The following SLC39A11 variants were observed in gnomAD, a reference collection of about 807,000 sequenced individuals.
The protein encoded by SLC39A11 is solute carrier family 39 member 11.
A neutral mutation model predicts 36.1 loss-of-function variants in SLC39A11; 33 were observed. The observed-to-expected ratio is 0.91, with a 90% CI of 0.69 to 1.22. The LOEUF (loss-of-function observed/expected upper bound fraction) is 1.22, where lower values mean the gene tolerates loss of function less well. Among genes scored for constraint, SLC39A11 ranks in the 50% most tolerant of loss-of-function variants. The pLI, the probability that SLC39A11 is intolerant of heterozygous loss-of-function variation, is 0.00. For missense variants in SLC39A11, 432 were observed against 430.3 expected (o/e 1.00, Z -0.03); for synonymous variants, 166 against 170.3 (o/e 0.97, Z 0.20).
chr17:72,915,296 A>C (rs1199692367), intron 5 of SLC39A11, among the ~76,000 whole-genome samples: 1 of 152,160 alleles, frequency 6.6e-6, no homozygotes, highest in Non-Finnish European at 1.5e-5. Flanking sequence ...AGGCCCAGGT[A>C]CCAGTCAACT....
intron 6 of SLC39A11, among the ~76,000 whole-genome samples, chr17:72,816,153 G>C (rs2077575583): frequency 6.6e-6 from 1 of 152,164 alleles, no homozygotes; most frequent in Admixed American, 6.6e-5. Context: ...GTAGGCTGAG[G>C]AAAGTTCCTG....
intron 5 of SLC39A11, among the ~76,000 whole-genome samples, chr17:72,926,743 G>A (rs1044928418): frequency 1.3e-5 from 2 of 151,920 alleles, no homozygotes; most frequent in African/African-American, 2.4e-5. Context: ...GCTTTATTAC[G>A]TTTTAATTAG....
In SLC39A11 at chr17:72,904,250, G is replaced by A. The variant is rs557690316; in HGVS notation, c.430+43502C>T. Among the ~76,000 whole-genome samples, 182 of 152,210 alleles carry A rather than the reference G, an allele frequency of 1.2e-3. 1 individual carries two copies. The highest frequency in any genetic ancestry group is 3.4e-3 in the Middle Eastern group (1 of 294). On this transcript the variant is annotated intron_variant, in intron 5 of 9. Coordinates refer to ENST00000255559, the MANE Select transcript of SLC39A11 (RefSeq NM_139177.4). Reference sequence around the variant, plus strand: ...GAGCCCAGGAGTTCGAGAGCAGCCTGGACAACACAGTGAGACTCTATCTCT... The same window carrying A: ...GAGCCCAGGAGTTCGAGAGCAGCCTAGACAACACAGTGAGACTCTATCTCT...
chr17:72,955,218 G>A (rs144597551), intron 4 of SLC39A11, among the ~76,000 whole-genome samples: 15 of 148,714 alleles, frequency 1.0e-4, no homozygotes, highest in African/African-American at 3.7e-4. Flanking sequence ...CTTCCTAGAT[G>A]TACTCAACCT....
intron 5 of SLC39A11, among the ~76,000 whole-genome samples, chr17:72,942,580 A>G (rs945572941): frequency 6.6e-6 from 1 of 152,214 alleles, no homozygotes; most frequent in Non-Finnish European, 1.5e-5. Flanking sequence ...GACTGGAAAT[A>G]TCAGTGACAA....
At chr17:72,992,722 T>TA (rs898686817) in intron 4 of SLC39A11, among the ~76,000 whole-genome samples, 12 of 152,308 alleles carry the variant, frequency 7.9e-5, no homozygotes, top group Admixed American at 1.3e-4. Flanking sequence ...GGAGAGCTTT[T>TA]AAAAAATACT....
At position 72,947,794 on chromosome 17, in the gene SLC39A11, G is replaced by C; in HGVS notation, c.388C>G (p.Pro130Ala). ...TCACTCTCAGGGAAGAGCAGCGCGG[G>C]ACCCTCAGGATCAGACTTCTTCTTC... ...LMKKKSDPEG[P>A]ALLFPESELS... is the part of the protein sequence containing the mutation. Residue 130 changes from proline (P) to alanine (A), a missense_variant, in exon 5 of 10, where the codon CCC (proline) becomes GCC (alanine). Transcript: ENST00000255559. 6.2e-7 allele frequency: 1 copy of C among 1,614,140 alleles called. No individual in the cohort carries two copies. Among genetic ancestry groups the C allele is most frequent in the Non-Finnish European group, 8.5e-7 (1 of 1,180,036 alleles).
Position 72,753,591 on chromosome 17 carries a change from C to G in SLC39A11, c.602-16872G>C, listed in dbSNP as rs549572645. On this transcript the variant is annotated intron_variant, in intron 6 of 9. Transcript: ENST00000255559. ...TTATGTTCTTCTGTCTCCTGGGCTC[C>G]CTGTTTTCTCCAGAGTAGGTTGTCC... is the stretch of plus-strand genomic sequence containing the variant. Among the ~76,000 whole-genome samples, 15 of 152,102 alleles carry G rather than the reference C, an allele frequency of 9.9e-5. 1 individual carries two copies. Among genetic ancestry groups the G allele is most frequent in the African/African-American group, 3.6e-4 (15 of 41,492 alleles).
intron 3 of SLC39A11, among the ~76,000 whole-genome samples, chr17:73,078,266 A>G (rs1304894150): frequency 6.6e-6 from 1 of 150,692 alleles, no homozygotes; most frequent in East Asian, 1.9e-4. Context: ...AAGAACTTTG[A>G]AAAACTAGGT....
intron 6 of SLC39A11, among the ~76,000 whole-genome samples, chr17:72,754,020 G>GTATATATATA (rs58028460): frequency 6.5e-5 from 7 of 108,348 alleles, no homozygotes; most frequent in African/African-American, 2.3e-4. Context: ...ATGTATATAT[G>GTATATATATA]TATATATATA....
At chr17:72,912,471 G>A (rs144952497) in intron 5 of SLC39A11, among the ~76,000 whole-genome samples, 22 of 149,276 alleles carry the variant, frequency 1.5e-4, no homozygotes, top group Non-Finnish European at 3.1e-4. Flanking sequence ...GTCTTGAGCC[G>A]CTACCCAGGC....
At chr17:73,054,565 T>C (rs1297688392) in intron 3 of SLC39A11, among the ~76,000 whole-genome samples, 1 of 151,982 alleles carries the variant, frequency 6.6e-6, no homozygotes, top group Non-Finnish European at 1.5e-5. Flanking sequence ...CCAGAGACAG[T>C]GGGAGGCCCA....
intron 6 of SLC39A11, among the ~76,000 whole-genome samples, chr17:72,782,028 T>C (rs924058775): frequency 6.6e-6 from 1 of 152,158 alleles, no homozygotes. Context: ...CCTGTGAATA[T>C]GACCTTGTTT....
intron 6 of SLC39A11, among the ~76,000 whole-genome samples, chr17:72,842,283 T>C (rs2078855421): frequency 1.3e-5 from 2 of 152,194 alleles, no homozygotes; most frequent in East Asian, 3.8e-4. Context: ...TGATTAACTT[T>C]GTTAAATAAA....
At position 72,736,662 on chromosome 17, in the gene SLC39A11, A is replaced by G; in HGVS notation, c.659T>C (p.Phe220Ser). 2.5e-6 allele frequency: 4 copies of G among 1,613,976 alleles called. No individual in the cohort carries two copies. Among genetic ancestry groups the G allele is most frequent in the Non-Finnish European group, 3.4e-6 (4 of 1,179,918 alleles). The change falls in exon 7 of 10, where the codon TTT becomes TCT. Residue 220 changes from phenylalanine to serine, a missense_variant. Transcript: ENST00000255559. ...GAIEKTASATFESARNLAIGI... is the reference protein window; with the variant it reads ...GAIEKTASATSESARNLAIGI... ...GATGCTGGCTTACCTGGCACTCTCA[A>G]AGGTAGCAGATGCCGTCTTTTCTAT...
In SLC39A11 at chr17:73,041,149, G is replaced by A. The variant is rs144314993; in HGVS notation, c.148-9435C>T. Among the ~76,000 whole-genome samples the A allele has an allele frequency of 4.4e-4, 67 of 152,246 alleles. No individual in the cohort carries two copies. In the East Asian group the frequency reaches 0.012, roughly 28 times the overall value. On this transcript the variant is annotated intron_variant, in intron 3 of 9. Coordinates refer to ENST00000255559, the MANE Select transcript of SLC39A11 (RefSeq NM_139177.4). ...CACTTTGGAATATCACAGAATGTAC[G>A]TTGTAGGGCTTCTAATTAAACATGG...
chr17:73,082,116 T>TAAAAAAAAAAAAAAAAAAA (rs1462631665), intron 3 of SLC39A11, among the ~76,000 whole-genome samples: 21 of 80,368 alleles, frequency 2.6e-4, no homozygotes, highest in East Asian at 4.8e-4. Flanking sequence ...CTACTGAAAC[T>TAAAAAAAAAAAAAAAAAAA]AAAAAAAAAG....
intron 6 of SLC39A11, among the ~76,000 whole-genome samples, chr17:72,844,207 C>G (rs2078950941): frequency 1.3e-5 from 2 of 152,154 alleles, no homozygotes; most frequent in African/African-American, 4.8e-5. Flanking sequence ...TGGTCCTCAT[C>G]AAAGACATGA....
intron 4 of SLC39A11, among the ~76,000 whole-genome samples, chr17:72,949,144 CTTTTTTTTTTTTTTTTTT>C (rs56036208): frequency 2.2e-4 from 8 of 36,510 alleles, no homozygotes; most frequent in East Asian, 1.2e-3. Flanking sequence ...CACTGGGCAG[CTTTTTTTTTTTTTTTTTT>C]TTTTTTTTTT....
Sources: allele counts gnomAD v4.1 joint callset (sites outside exome capture counted in the v4.1 genomes callset), GRCh38; gene constraint gnomAD v4.1.1; transcripts MANE v1.5; gene names NCBI Gene and HGNC (gene_info 2026-07-23, HGNC 2026-07-21).